ADAMTS20: variants seen among roughly 807,000 people sequenced by gnomAD.
ADAMTS20 encodes A disintegrin and metalloproteinase with thrombospondin motifs 20.
A neutral mutation model predicts 260.1 loss-of-function variants in ADAMTS20; 225 were observed. The ratio of observed to expected loss-of-function variants is 0.87; its 90% CI spans 0.78 to 0.97. The LOEUF (loss-of-function observed/expected upper bound fraction) is 0.97, where lower values mean the gene tolerates loss of function less well. Among genes scored for constraint, ADAMTS20 ranks in the 50% least tolerant of loss-of-function variants. The pLI is 0.00. For missense variants in ADAMTS20, 2,400 were observed against 2,337.7 expected, an observed-to-expected ratio of 1.03 and a Z score of -0.55; for synonymous variants, 802 against 769.5, an observed-to-expected ratio of 1.04 and a Z score of -0.70.
rs777366164 is a variant in ADAMTS20, at chr12:43,356,592, G to T, written c.5539-4C>A. ...ACAAATTAATGCTAAACTGTCCCTG[G>T]ATTGTAAATAAAACAAAGAAAAATA... On this transcript the variant is annotated splice_polypyrimidine_tract_variant and splice_region_variant and intron_variant, in intron 37 of 38. Transcript: ENST00000389420. 8 of 1,597,740 alleles carry T rather than the reference G, an allele frequency of 5.0e-6. No homozygotes were observed. Among genetic ancestry groups the T allele is most frequent in the Middle Eastern group, 3.3e-4 (2 of 6,046 alleles).
chr12:43,412,209 CT>C lies in ADAMTS20; in HGVS notation c.4285-12977del, dbSNP rs549332761. Among the ~76,000 whole-genome samples the C allele has an allele frequency of 9.7e-4, 148 of 152,196 alleles. 2 individuals carry two copies. The South Asian group carries it at 0.022, about 23-fold the overall frequency. On this transcript the variant is annotated intron_variant, in intron 28 of 38. Coordinates refer to ENST00000389420, the MANE Select transcript of ADAMTS20 (RefSeq NM_025003.5). ...TATTTCTTCTCAAATTATTTTTATA[CT>C]TTTTTTACATTACAAAGCTTCAAAT... is the stretch of plus-strand genomic sequence containing the variant.
At chr12:43,369,418 C>T (rs371852915) in intron 36 of ADAMTS20, 37 bp from the exon 37 acceptor site, 4 of 1,229,996 alleles carry the variant, frequency 3.3e-6, no homozygotes, top group African/African-American at 3.1e-5. Context: ...AGCATGGAGA[C>T]AATAATGCAA....
At chr12:43,544,323 G>A (rs549485738) in intron 2 of ADAMTS20, among the ~76,000 whole-genome samples, 113 of 152,318 alleles carry the variant, frequency 7.4e-4, no homozygotes, top group Admixed American at 1.6e-3. Context: ...AGGTAAAGAT[G>A]AGCTAGCTAA....
intron 7 of ADAMTS20, among the ~76,000 whole-genome samples, chr12:43,470,623 G>A (rs1374434168): frequency 6.6e-6 from 1 of 152,162 alleles, no homozygotes; most frequent in Non-Finnish European, 1.5e-5. Context: ...GGTTCCCTGT[G>A]TTTGGAAATA....
At chr12:43,431,188 A>C (rs1941434911) in intron 22 of ADAMTS20, 144 bp downstream of exon 22, 2 of 702,802 alleles carry the variant, frequency 2.8e-6, no homozygotes, top group Non-Finnish European at 4.6e-6. Context: ...ACACATAAAG[A>C]TTCACATTTC....
At chr12:43,363,991 G>A (rs1168310105) in intron 37 of ADAMTS20, among the ~76,000 whole-genome samples, 3 of 152,172 alleles carry the variant, frequency 2.0e-5, no homozygotes, top group African/African-American at 7.2e-5. Context: ...GATATCAGTA[G>A]AGACAGACCA....
intron 11 of ADAMTS20, among the ~76,000 whole-genome samples, chr12:43,457,768 C>T (rs1941990406): frequency 6.6e-6 from 1 of 152,216 alleles, no homozygotes; most frequent in Non-Finnish European, 1.5e-5. Context: ...GCATCCCTTA[C>T]TTCTATCACT....
At chr12:43,483,940 A>T (rs1942480237) in intron 7 of ADAMTS20, among the ~76,000 whole-genome samples, 1 of 152,208 alleles carries the variant, frequency 6.6e-6, no homozygotes, top group Non-Finnish European at 1.5e-5. Flanking sequence ...GGGCAACAAG[A>T]TAAGTGTCAT....
At chr12:43,405,459 ATAAAT>A (rs1206468389) in intron 28 of ADAMTS20, among the ~76,000 whole-genome samples, 1 of 142,164 alleles carries the variant, frequency 7.0e-6, no homozygotes, top group Admixed American at 7.2e-5. Context: ...AATAATAATA[ATAAAT>A]TAAATATTTC....
At chr12:43,355,439 T>C (rs1020779167) in intron 38 of ADAMTS20, among the ~76,000 whole-genome samples, 5 of 152,210 alleles carry the variant, frequency 3.3e-5, no homozygotes, top group African/African-American at 9.6e-5. Flanking sequence ...AAATGAATAA[T>C]GAATTAATCT....
In ADAMTS20 at chr12:43,493,058, T is replaced by A. The variant is rs537585906; in HGVS notation, c.951+112A>T. 86 of 750,902 alleles carry A rather than the reference T, an allele frequency of 1.1e-4. No individual in the cohort carries two copies. In the Admixed American group the frequency reaches 1.9e-3, roughly 17 times the overall value. The allele number at this position is 750,902 out of a possible 1,614,324, so 46.5% of individuals were successfully genotyped here. A position where few individuals can be genotyped will look rare whatever the true frequency, so the allele number is the denominator to read the frequency against. On this transcript the variant is annotated intron_variant, in intron 5 of 38. Transcript: ENST00000389420. ...TAATCTCATTCCTTCTCAAATCAAG[T>A]CTTTTAAAATTTTAAAAATATCTCA... is the stretch of plus-strand genomic sequence containing the variant.
intron 7 of ADAMTS20, among the ~76,000 whole-genome samples, chr12:43,469,620 CA>C (rs146256300): frequency 4.0e-4 from 61 of 151,642 alleles, no homozygotes; most frequent in African/African-American, 1.5e-3. Flanking sequence ...CTTCCTTTCA[CA>C]AAAAAAAGAT....
intron 37 of ADAMTS20, among the ~76,000 whole-genome samples, chr12:43,360,552 G>C (rs1306459692): frequency 6.6e-6 from 1 of 152,130 alleles, no homozygotes; most frequent in Non-Finnish European, 1.5e-5. Flanking sequence ...GAGAATTTGA[G>C]TCCCCAATCA....
intron 11 of ADAMTS20, among the ~76,000 whole-genome samples, chr12:43,456,751 T>C (rs59672379): frequency 6.6e-6 from 1 of 152,256 alleles, no homozygotes; most frequent in African/African-American, 2.4e-5. Flanking sequence ...TTGGACTGCA[T>C]AGTCTAAGCT....
chr12:43,456,132 T>G (rs1182224559), intron 11 of ADAMTS20, among the ~76,000 whole-genome samples: 1 of 152,208 alleles, frequency 6.6e-6, no homozygotes, highest in Non-Finnish European at 1.5e-5. Context: ...ATTTTGGATG[T>G]CTTTTTTGCA....
At chr12:43,511,057 C>G (rs1038009436) in intron 3 of ADAMTS20, among the ~76,000 whole-genome samples, 1 of 152,074 alleles carries the variant, frequency 6.6e-6, no homozygotes, top group Non-Finnish European at 1.5e-5. Context: ...CCCTCCTTCA[C>G]CCTTTGTATC....
At chr12:43,454,861 A>AAGG (rs1233177862) in intron 11 of ADAMTS20, among the ~76,000 whole-genome samples, 18 of 152,230 alleles carry the variant, frequency 1.2e-4, no homozygotes, top group Non-Finnish European at 2.6e-4. Flanking sequence ...GTCTAAGTAA[A>AAGG]TAATTTAAAA....
intron 3 of ADAMTS20, among the ~76,000 whole-genome samples, chr12:43,523,166 C>G (rs1486178663): frequency 6.6e-6 from 1 of 152,152 alleles, no homozygotes; most frequent in African/African-American, 2.4e-5. Flanking sequence ...GGAAATACAC[C>G]CCCACCAGGA....
chr12:43,452,579 T>C lies in ADAMTS20; in HGVS notation c.1877A>G (p.Asn626Ser), dbSNP rs766100401. 1 of 1,613,660 alleles carries C rather than the reference T, an allele frequency of 6.2e-7. No homozygotes were observed. Among genetic ancestry groups the C allele is most frequent in the South Asian group, 1.1e-5 (1 of 91,076 alleles). The change falls in exon 13 of 39, where the codon AAT (asparagine) becomes AGT (serine). Residue 626 changes from asparagine to serine, a missense_variant. Transcript: ENST00000389420. ...GCCACTGATGTCCAAATGTTTACCA[T>C]TAAAATCAGAGCACTGCTTCTCTCG... ...DFREKQCSDF[N>S]GKHLDISGIP...
Sources: gnomAD v4.1 joint callset for allele counts (sites outside exome capture counted in the v4.1 genomes callset) on GRCh38, gnomAD v4.1.1 for gene constraint, MANE v1.5 for transcripts, NCBI Gene and HGNC (gene_info 2026-07-23, HGNC 2026-07-21) for gene names.